The following NCK1 variants were observed in gnomAD, a reference collection of about 807,000 sequenced individuals.
NCK1 encodes the protein SH2/SH3 adapter protein NCK1.
Under a neutral mutation model 36.6 loss-of-function variants are expected in NCK1, and 19 were observed. The ratio of observed to expected loss-of-function variants is 0.52; its 90% CI spans 0.36 to 0.76. NCK1 has a LOEUF of 0.76. Among genes scored for constraint, NCK1 ranks in the 30% least tolerant of loss-of-function variants. The probability of loss-of-function intolerance (pLI) is 0.00; values close to 1 mark genes in which losing one functional copy is unlikely to be tolerated. For missense variants in NCK1, 358 were observed against 445.6 expected, an observed-to-expected ratio of 0.80 and a Z score of 1.77; for synonymous variants, 165 against 156.0, an observed-to-expected ratio of 1.06 and a Z score of -0.43.
chr3:136,897,545 T>C (rs2108095931), intron 1 of NCK1, among the ~76,000 whole-genome samples: 1 of 152,350 alleles, frequency 6.6e-6, no homozygotes, highest in Middle Eastern at 3.4e-3. Flanking sequence ...TATCTATTCA[T>C]GTCCTTAGCC....
intron 1 of NCK1, among the ~76,000 whole-genome samples, chr3:136,898,269 G>C (rs1939441053): frequency 6.6e-6 from 1 of 151,726 alleles, no homozygotes; most frequent in Non-Finnish European, 1.5e-5. Flanking sequence ...GGTGGTGATT[G>C]CCTGTGATCC....
intron 1 of NCK1, among the ~76,000 whole-genome samples, chr3:136,907,742 A>G (rs939018075): frequency 6.6e-6 from 1 of 152,228 alleles, no homozygotes; most frequent in African/African-American, 2.4e-5. Context: ...GCATGTAGTC[A>G]GCCATCTTGA....
chr3:136,876,278 G>A (rs1938768896), intron 1 of NCK1, among the ~76,000 whole-genome samples: 1 of 152,100 alleles, frequency 6.6e-6, no homozygotes, highest in African/African-American at 2.4e-5. Context: ...TCAAAAGCTA[G>A]CAGAAGGCAA....
intron 1 of NCK1, among the ~76,000 whole-genome samples, chr3:136,864,935 T>C (rs1466167206): frequency 6.7e-6 from 1 of 149,114 alleles, no homozygotes; most frequent in Admixed American, 6.7e-5. Context: ...TTTTTTTGTA[T>C]ATATATATAT....
intron 1 of NCK1, among the ~76,000 whole-genome samples, chr3:136,895,254 G>C (rs530426453): frequency 7.9e-4 from 120 of 152,210 alleles, no homozygotes; most frequent in Non-Finnish European, 8.8e-4. Context: ...CATTTGTATG[G>C]AATTCAAGAA....
intron 1 of NCK1, chr3:136,899,900 G>A (rs942504181): frequency 2.0e-6 from 2 of 1,004,878 alleles, no homozygotes; most frequent in Admixed American, 1.8e-5. Flanking sequence ...CTTCTAGTGG[G>A]ATTTCTTCTT....
At position 136,945,722 on chromosome 3, in the gene NCK1, G is replaced by A. The variant is rs777371332; in HGVS notation, c.366G>A (p.Glu122=). The part of the protein sequence containing the change: ...YVKFNYMAER[E]DELSLIKGTK... ...AATTTAACTACATGGCTGAGAGAGA[G>A]GATGAATTATCATTGATAAAGGGGA... Residue 122 remains glutamate, a synonymous_variant, in exon 3 of 4, where the codon GAG becomes GAA. Coordinates refer to ENST00000481752, the MANE Select transcript of NCK1 (RefSeq NM_001291999.2). 122 of 1,614,036 alleles carry A rather than the reference G, an allele frequency of 7.6e-5. No homozygotes were observed. Among genetic ancestry groups the A allele is most frequent in the Non-Finnish European group, 7.1e-5 (84 of 1,180,028 alleles).
At chr3:136,928,319 T>C (rs1234316192) in intron 2 of NCK1, 92 bp downstream of exon 2, 2 of 1,280,480 alleles carry the variant, frequency 1.6e-6, no homozygotes, top group East Asian at 2.5e-5. Context: ...GTGTGCATAA[T>C]TGACTTGAAA....
chr3:136,896,801 A>C (rs1462820126), intron 1 of NCK1, among the ~76,000 whole-genome samples: 1 of 151,696 alleles, frequency 6.6e-6, no homozygotes, highest in Non-Finnish European at 1.5e-5. Flanking sequence ...GCCTGGCCCC[A>C]TACATCTGTT....
At chr3:136,863,969 C>T (rs1938331320) in intron 1 of NCK1, among the ~76,000 whole-genome samples, 1 of 151,578 alleles carries the variant, frequency 6.6e-6, no homozygotes, top group African/African-American at 2.4e-5. Flanking sequence ...GGCGTGGTGG[C>T]GGGCGCCTAT....
chr3:136,864,034 G>A (rs566661963), intron 1 of NCK1, among the ~76,000 whole-genome samples: 10 of 152,202 alleles, frequency 6.6e-5, no homozygotes, highest in Non-Finnish European at 1.3e-4. Context: ...CCGGGAGGCG[G>A]AGCTTGCAGT....
At position 136,898,575 on chromosome 3, in the gene NCK1, C is replaced by G. The variant is rs554163566; in HGVS notation, c.-18-29409C>G. Among the ~76,000 whole-genome samples the G allele has an allele frequency of 9.9e-5, 15 of 152,256 alleles. No homozygotes were observed. In the South Asian group the frequency reaches 3.1e-3, roughly 32 times the overall value. On this transcript the variant is annotated intron_variant, in intron 1 of 3. Coordinates refer to ENST00000481752, the MANE Select transcript of NCK1 (RefSeq NM_001291999.2). The stretch of plus-strand genomic sequence containing the variant: ...AGCAACCATTTTAGTGTGTAAAATA[C>G]TTCTGAACTCTTACTATGAAAAAAT...
chr3:136,943,713 T>C (rs1940735496), intron 2 of NCK1, among the ~76,000 whole-genome samples: 1 of 152,208 alleles, frequency 6.6e-6, no homozygotes, highest in Non-Finnish European at 1.5e-5. Context: ...GAATAAGATC[T>C]CGTTTTCTGC....
chr3:136,882,203 T>A (rs567537879), intron 1 of NCK1, among the ~76,000 whole-genome samples: 4 of 152,034 alleles, frequency 2.6e-5, no homozygotes, highest in Non-Finnish European at 2.9e-5. Flanking sequence ...GCATGTTTTT[T>A]TAAAAATAGT....
At chr3:136,909,416 T>C (rs776280952) in intron 1 of NCK1, among the ~76,000 whole-genome samples, 8 of 152,240 alleles carry the variant, frequency 5.3e-5, no homozygotes, top group Non-Finnish European at 1.0e-4. Context: ...ACGTGTATGA[T>C]ATTCTGTTGA....
chr3:136,891,913 A>G (rs1026769930), intron 1 of NCK1, among the ~76,000 whole-genome samples: 3 of 152,172 alleles, frequency 2.0e-5, no homozygotes, highest in African/African-American at 7.2e-5. Context: ...TTTAGAGACA[A>G]AGTCTCACTG....
rs2108154034 is a variant in NCK1, at chr3:136,946,296, G to A, written c.939+1G>A. On this transcript the variant is annotated splice_donor_variant, in intron 3 of 3. Coordinates refer to ENST00000481752, the MANE Select transcript of NCK1 (RefSeq NM_001291999.2). LOFTEE classifies it high-confidence loss of function. ...CCTCATTCGTGATAGTGAATCTTCGGTAAGTTGATTTTCGGAGGTAAATAC... is the reference window on the plus strand; with the variant it reads ...CCTCATTCGTGATAGTGAATCTTCGATAAGTTGATTTTCGGAGGTAAATAC... 6.2e-7 allele frequency: 1 copy of A among 1,601,100 alleles called. No homozygotes were observed. The highest frequency in any genetic ancestry group is 1.1e-5 in the South Asian group (1 of 89,726).
intron 1 of NCK1, among the ~76,000 whole-genome samples, chr3:136,902,198 T>TTTTTTTTTTTTTTTTTTG (rs1939561830): frequency 2.3e-5 from 3 of 131,504 alleles, no homozygotes; most frequent in Non-Finnish European, 3.2e-5. Context: ...TTTTTTTTTT[T>TTTTTTTTTTTTTTTTTTG]TTTTGTTTTT....
intron 1 of NCK1, among the ~76,000 whole-genome samples, chr3:136,919,094 C>G (rs1442853979): frequency 6.6e-6 from 1 of 152,124 alleles, no homozygotes; most frequent in East Asian, 1.9e-4. Flanking sequence ...ACTGGAAAAG[C>G]CAGACTCAGC....
Sources: gnomAD v4.1 joint callset for allele counts (sites outside exome capture counted in the v4.1 genomes callset) on GRCh38, gnomAD v4.1.1 for gene constraint, MANE v1.5 for transcripts, NCBI Gene and HGNC (gene_info 2026-07-23, HGNC 2026-07-21) for gene names.